The following PRKCB variants were observed in gnomAD, a reference collection of about 807,000 sequenced individuals.
PRKCB encodes protein kinase C beta type.
PRKCB carries 13 observed loss-of-function variants against 81.5 expected under a neutral mutation model. The observed-to-expected ratio is 0.16, with a 90% CI of 0.10 to 0.25. PRKCB has a LOEUF of 0.25. Among genes scored for constraint, PRKCB ranks in the 10% least tolerant of loss-of-function variants. PRKCB has a pLI of 1.00. For synonymous variants in PRKCB, 335 were observed against 321.4 expected (o/e 1.04, Z -0.45); for missense variants, 509 against 875.7 (o/e 0.58, Z 5.29).
intron 3 of PRKCB, among the ~76,000 whole-genome samples, chr16:24,012,683 A>G (rs1181043996): frequency 6.6e-6 from 1 of 152,236 alleles, no homozygotes; most frequent in Non-Finnish European, 1.5e-5. Flanking sequence ...GCTTGCCTAT[A>G]AACCAAATTG....
chr16:24,206,788 G>C (rs908781799), intron 16 of PRKCB, among the ~76,000 whole-genome samples: 1 of 152,132 alleles, frequency 6.6e-6, no homozygotes, highest in Admixed American at 6.5e-5. Context: ...AGCTCAACGG[G>C]GACAAGAACA....
chr16:24,056,415 A>G (rs1213769432), intron 5 of PRKCB, among the ~76,000 whole-genome samples: 1 of 152,244 alleles, frequency 6.6e-6, no homozygotes, highest in African/African-American at 2.4e-5. Context: ...AATAGGGGCA[A>G]CAATGCCCAC....
chr16:24,021,119 T>TTCCTTCTC, intron 3 of PRKCB, among the ~76,000 whole-genome samples: 1 of 140,184 alleles, frequency 7.1e-6, no homozygotes, highest in African/African-American at 2.8e-5. Flanking sequence ...TTCTCTCTCT[T>TTCCTTCTC]TCTTTCTTTC....
At chr16:23,893,438 C>T (rs543460663) in intron 2 of PRKCB, 2 of 152,360 alleles carry the variant, frequency 1.3e-5, no homozygotes, top group African/African-American at 4.8e-5. Context: ...CTGATTACCC[C>T]TTATCTGATT....
rs1032054067 is a variant in PRKCB at position 24,132,866 on chromosome 16, G to A, written c.1065+8885G>A. ...TGCAATCATAGCTCACTGCAGCCAC[G>A]AACTCCTTGGCTCAAGTGATCTGCC... On this transcript the variant is annotated intron_variant, in intron 9 of 16. Transcript: ENST00000643927. Among the ~76,000 whole-genome samples the A allele has an allele frequency of 3.4e-5, 5 of 149,146 alleles. No homozygotes were observed. In the Admixed American group the frequency reaches 3.4e-4, roughly 10 times the overall value.
chr16:24,016,259 G>A (rs1025957252), intron 3 of PRKCB, among the ~76,000 whole-genome samples: 1 of 152,050 alleles, frequency 6.6e-6, no homozygotes, highest in Non-Finnish European at 1.5e-5. Context: ...CATCAAAATC[G>A]TGGCTCACCA....
chr16:23,969,870 T>A (rs979315347), intron 2 of PRKCB, among the ~76,000 whole-genome samples: 9 of 152,148 alleles, frequency 5.9e-5, no homozygotes, highest in African/African-American at 2.2e-4. Context: ...GATAGGTGTG[T>A]GTGTGTGTAC....
At chr16:23,965,262 G>C (rs921522455) in intron 2 of PRKCB, among the ~76,000 whole-genome samples, 2 of 152,230 alleles carry the variant, frequency 1.3e-5, no homozygotes, top group African/African-American at 4.8e-5. Flanking sequence ...TTCTGTTCCT[G>C]TATTAACTCA....
At chr16:24,031,001 T>A (rs1363565106) in intron 3 of PRKCB, among the ~76,000 whole-genome samples, 2 of 151,798 alleles carry the variant, frequency 1.3e-5, no homozygotes, top group Non-Finnish European at 2.9e-5. Flanking sequence ...GAAGTCAAGG[T>A]CCCAGTGAGC....
intron 5 of PRKCB, among the ~76,000 whole-genome samples, chr16:24,054,417 A>C (rs1965880531): frequency 6.6e-6 from 1 of 152,242 alleles, no homozygotes; most frequent in African/African-American, 2.4e-5. Context: ...CCTATTCTGT[A>C]GAGGAGGCAA....
intron 2 of PRKCB, among the ~76,000 whole-genome samples, chr16:23,887,424 A>G (rs1363930665): frequency 6.6e-6 from 1 of 152,152 alleles, no homozygotes; most frequent in Non-Finnish European, 1.5e-5. Context: ...TTTAGCTTCC[A>G]CTATAGGTGA....
At chr16:23,997,055 C>T (rs1964967205) in intron 3 of PRKCB, among the ~76,000 whole-genome samples, 1 of 152,318 alleles carries the variant, frequency 6.6e-6, no homozygotes, top group African/African-American at 2.4e-5. Flanking sequence ...TATGCTCTCC[C>T]AGCATGGAGG....
chr16:24,179,688 C>G lies in PRKCB; in HGVS notation c.1395-1102C>G, dbSNP rs1028580470. Among the ~76,000 whole-genome samples the G allele has an allele frequency of 1.1e-3, 172 of 152,356 alleles. 1 individual carries two copies. Among genetic ancestry groups the G allele is most frequent in the African/African-American group, 4.0e-3 (168 of 41,576 alleles). ...ACAGCACATATCCTTTAGGTTAGAGCTCAGATGTCACCGCCTTAGACAGGT... is the reference window on the plus strand; with the variant it reads ...ACAGCACATATCCTTTAGGTTAGAGGTCAGATGTCACCGCCTTAGACAGGT... On this transcript the variant is annotated intron_variant, in intron 12 of 16. Coordinates refer to ENST00000643927, the MANE Select transcript of PRKCB (RefSeq NM_002738.7).
chr16:24,126,717 A>G (rs931070675), intron 9 of PRKCB, among the ~76,000 whole-genome samples: 4 of 151,700 alleles, frequency 2.6e-5, no homozygotes, highest in Non-Finnish European at 5.9e-5. Context: ...GTAGTTTTTA[A>G]TAGAGACAGG....
intron 3 of PRKCB, among the ~76,000 whole-genome samples, chr16:24,026,778 A>G (rs1259964323): frequency 3.3e-5 from 5 of 152,234 alleles, no homozygotes; most frequent in African/African-American, 1.2e-4. Flanking sequence ...ACTTGGACCC[A>G]GTAGCGTCCT....
intron 2 of PRKCB, among the ~76,000 whole-genome samples, chr16:23,852,733 C>G (rs1221102510): frequency 1.3e-5 from 2 of 152,324 alleles, no homozygotes; most frequent in South Asian, 4.1e-4. Context: ...ATCTCACAAT[C>G]CCTATCAACC....
chr16:24,118,384 A>G (rs1242718535), intron 8 of PRKCB, among the ~76,000 whole-genome samples: 1 of 152,228 alleles, frequency 6.6e-6, no homozygotes, highest in African/African-American at 2.4e-5. Context: ...CCCCTTCGGG[A>G]TAAATAAAGC....
At chr16:24,018,543 A>G (rs1965315992) in intron 3 of PRKCB, among the ~76,000 whole-genome samples, 1 of 152,260 alleles carries the variant, frequency 6.6e-6, no homozygotes, top group Non-Finnish European at 1.5e-5. Context: ...CCAAGAGTTA[A>G]GCTTAGATGT....
Position 23,985,285 on chromosome 16 carries a change from C to T in PRKCB, c.206-3223C>T, listed in dbSNP as rs1487701425. 3.3e-5 allele frequency among the ~76,000 whole-genome samples: 5 copies of T among 151,986 alleles called. No homozygotes were observed. In the South Asian group the frequency reaches 6.2e-4, roughly 19 times the overall value. ...ATTTTTTTTGTATTTTTAATAGAGA[C>T]GGGGTTTCACCATGTTGGCCAGGCT... On this transcript the variant is annotated intron_variant, in intron 2 of 16. Transcript: ENST00000643927.
Sources: gnomAD v4.1 joint callset for allele counts (sites outside exome capture counted in the v4.1 genomes callset) on GRCh38, gnomAD v4.1.1 for gene constraint, MANE v1.5 for transcripts, NCBI Gene and HGNC (gene_info 2026-07-23, HGNC 2026-07-21) for gene names.